BMPR1B: variants seen among roughly 807,000 people sequenced by gnomAD.
BMPR1B encodes bone morphogenetic protein receptor type 1B.
Under a neutral mutation model 59.1 loss-of-function variants are expected in BMPR1B, and 12 were observed. That is an observed-to-expected ratio of 0.20 (90% CI 0.13 to 0.33). The LOEUF (loss-of-function observed/expected upper bound fraction) is 0.33, where lower values mean the gene tolerates loss of function less well. Among genes scored for constraint, BMPR1B ranks in the 10% least tolerant of loss-of-function variants. The pLI, the probability that BMPR1B is intolerant of heterozygous loss-of-function variation, is 1.00. For missense variants in BMPR1B, 550 were observed against 610.9 expected (o/e 0.90, Z 1.05); for synonymous variants, 237 against 207.3 (o/e 1.14, Z -1.23).
rs1442020576 is a variant in BMPR1B at position 95,030,239 on chromosome 4, T to C, written c.-18+34105T>C. On this transcript the variant is annotated intron_variant, in intron 3 of 12. Transcript: ENST00000515059. ...TGCCTAGGTTTTCTTCTGTGGTTTT[T>C]ATGGTTTTAGGTCTAATGTTTAAGT... Among the ~76,000 whole-genome samples, 6 of 152,222 alleles carry C rather than the reference T, an allele frequency of 3.9e-5. No individual in the cohort carries two copies. The East Asian group carries it at 1.2e-3, about 29-fold the overall frequency.
intron 3 of BMPR1B, among the ~76,000 whole-genome samples, chr4:95,077,953 T>C (rs2149229660): frequency 6.6e-6 from 1 of 152,336 alleles, no homozygotes; most frequent in South Asian, 2.1e-4. Flanking sequence ...AATGCATCTA[T>C]GTAGCACTTG....
chr4:95,096,214 A>G (rs1205806658), intron 3 of BMPR1B, among the ~76,000 whole-genome samples: 1 of 151,724 alleles, frequency 6.6e-6, no homozygotes. Context: ...TCAATTAAAT[A>G]CTTTAAAGAA....
chr4:94,783,362 A>T (rs1299703826), intron 1 of BMPR1B, among the ~76,000 whole-genome samples: 1 of 152,302 alleles, frequency 6.6e-6, no homozygotes, highest in East Asian at 1.9e-4. Flanking sequence ...AATATAGTTT[A>T]TGTCTCTCAT....
At chr4:94,916,423 A>G (rs61352301) in intron 2 of BMPR1B, among the ~76,000 whole-genome samples, 9,919 of 152,260 alleles carry the variant, frequency 0.065, 553 homozygotes, top group African/African-American at 0.15. Flanking sequence ...TGGGAACTGG[A>G]CCAAAGGTCA....
chr4:95,036,838 A>G (rs999797777), intron 3 of BMPR1B, among the ~76,000 whole-genome samples: 1 of 151,896 alleles, frequency 6.6e-6, no homozygotes, highest in African/African-American at 2.4e-5. Flanking sequence ...TCCCACCAAC[A>G]GTGTACGAGG....
rs1353276750 is a variant in BMPR1B at position 94,891,503 on chromosome 4, T to C, written c.-113+15603T>C. ...AACTTAAGAAGTATTATAGTGGCTT[T>C]CATCATATGGTTAACAGTGATCTTT... On this transcript the variant is annotated intron_variant, in intron 2 of 12. Transcript: ENST00000515059. Among the ~76,000 whole-genome samples the C allele has an allele frequency of 8.5e-5, 13 of 152,246 alleles. No homozygotes were observed. In the South Asian group the frequency reaches 2.5e-3, roughly 29 times the overall value.
chr4:95,071,326 T>C (rs376123670), intron 3 of BMPR1B, among the ~76,000 whole-genome samples: 4 of 152,110 alleles, frequency 2.6e-5, no homozygotes, highest in African/African-American at 9.7e-5. Context: ...CAATAGAGGA[T>C]AGAGATGAGA....
chr4:94,949,421 A>G lies in BMPR1B; in HGVS notation c.-112-46619A>G, dbSNP rs1297826722. ...AAGCTCTGCTTCCCGGGTTCACGCC[A>G]TTCTCCTGCCTCAGCCTCCCGAGTA... On this transcript the variant is annotated intron_variant, in intron 2 of 12. Transcript: ENST00000515059. 4.0e-5 allele frequency among the ~76,000 whole-genome samples: 4 copies of G among 98,926 alleles called. 1 individual carries two copies. Among genetic ancestry groups the G allele is most frequent in the South Asian group, 4.0e-4 (1 of 2,488 alleles). The allele number at this position is 98,926 out of a possible 152,430, so 64.9% of individuals were successfully genotyped here.
intron 1 of BMPR1B, among the ~76,000 whole-genome samples, chr4:94,851,359 A>G (rs1725561517): frequency 1.3e-5 from 2 of 152,194 alleles, no homozygotes; most frequent in South Asian, 4.1e-4. Context: ...TTAAAAATAT[A>G]GTTAATCTCT....
At chr4:94,940,473 T>G (rs188902295) in intron 2 of BMPR1B, among the ~76,000 whole-genome samples, 327 of 152,328 alleles carry the variant, frequency 2.1e-3, no homozygotes, top group African/African-American at 7.6e-3. Context: ...GGGATTAAAA[T>G]TTCTATAGCC....
chr4:94,953,483 T>C (rs1329751195), intron 2 of BMPR1B, among the ~76,000 whole-genome samples: 4 of 152,238 alleles, frequency 2.6e-5, no homozygotes, highest in African/African-American at 9.6e-5. Context: ...CAGCATTTGC[T>C]TGTGTATAAA....
At chr4:95,033,868 TAAC>T (rs1389191892) in intron 3 of BMPR1B, among the ~76,000 whole-genome samples, 9 of 152,150 alleles carry the variant, frequency 5.9e-5, no homozygotes, top group Non-Finnish European at 2.9e-5. Flanking sequence ...CCTGGAAATG[TAAC>T]ATATAGTGAG....
rs191297415 is a variant in BMPR1B, at chr4:94,966,962, G to A, written c.-112-29078G>A. Among the ~76,000 whole-genome samples the A allele has an allele frequency of 3.6e-3, 551 of 152,236 alleles. 1 individual carries two copies. The highest frequency in any genetic ancestry group is 6.5e-3 in the Non-Finnish European group (445 of 68,008). ...TTCTATGAAGAGAGAGACGGTCCTT[G>A]GGGAAATATTAGCCTGTAATGGAAC... On this transcript the variant is annotated intron_variant, in intron 2 of 12. Coordinates refer to ENST00000515059, the MANE Select transcript of BMPR1B (RefSeq NM_001203.3).
At chr4:94,993,394 A>G (rs1361253954) in intron 2 of BMPR1B, among the ~76,000 whole-genome samples, 1 of 152,204 alleles carries the variant, frequency 6.6e-6, no homozygotes, top group South Asian at 2.1e-4. Flanking sequence ...AAATGTTATT[A>G]TGGTGCATTA....
chr4:94,987,849 A>G (rs1452226440), intron 2 of BMPR1B, among the ~76,000 whole-genome samples: 1 of 152,122 alleles, frequency 6.6e-6, no homozygotes, highest in African/African-American at 2.4e-5. Context: ...TTAATGAGTC[A>G]TTTCTAAAAA....
At chr4:94,806,970 ATAG>A (rs1345889641) in intron 1 of BMPR1B, among the ~76,000 whole-genome samples, 4 of 152,128 alleles carry the variant, frequency 2.6e-5, no homozygotes, top group Non-Finnish European at 4.4e-5. Context: ...TAAATAATAA[ATAG>A]TAGATTGTTG....
intron 2 of BMPR1B, among the ~76,000 whole-genome samples, chr4:94,958,744 C>T (rs1436140344): frequency 1.3e-5 from 2 of 152,090 alleles, no homozygotes; most frequent in Non-Finnish European, 2.9e-5. Flanking sequence ...ATGTGTATTT[C>T]TTATTATGAG....
At chr4:95,111,927 C>T (rs1198572146) in intron 4 of BMPR1B, among the ~76,000 whole-genome samples, 2 of 152,092 alleles carry the variant, frequency 1.3e-5, no homozygotes, top group African/African-American at 2.4e-5. Context: ...TGCATTATCA[C>T]TGCTTTGACT....
At chr4:94,926,652 A>AT (rs1728900109) in intron 2 of BMPR1B, among the ~76,000 whole-genome samples, 2 of 152,072 alleles carry the variant, frequency 1.3e-5, no homozygotes, top group Non-Finnish European at 2.9e-5. Flanking sequence ...ATTAGGTTGC[A>AT]TTTTTTAAAA....
Sources: gnomAD v4.1 joint callset for allele counts (sites outside exome capture counted in the v4.1 genomes callset) on GRCh38, gnomAD v4.1.1 for gene constraint, MANE v1.5 for transcripts, NCBI Gene and HGNC (gene_info 2026-07-23, HGNC 2026-07-21) for gene names.